The following PRKG1 variants were observed in gnomAD, a reference collection of about 807,000 sequenced individuals.
PRKG1 encodes cGMP-dependent protein kinase 1.
In PRKG1, 35 loss-of-function variants were observed where a neutral mutation model predicts 88.1. The observed-to-expected ratio is 0.40, with a 90% confidence interval of 0.30 to 0.53. The LOEUF (loss-of-function observed/expected upper bound fraction) is 0.53. Ranked by LOEUF, PRKG1 falls within the 20% of genes least tolerant of loss-of-function variation. The pLI is 0.59. For missense variants in PRKG1, 540 were observed against 839.8 expected, an observed-to-expected ratio of 0.64 and a Z score of 4.41; for synonymous variants, 303 against 292.5, an observed-to-expected ratio of 1.04 and a Z score of -0.37.
At chr10:51,523,213 T>A (rs1428306669) in intron 3 of PRKG1, among the ~76,000 whole-genome samples, 5 of 152,162 alleles carry the variant, frequency 3.3e-5, no homozygotes, top group Non-Finnish European at 7.3e-5. Flanking sequence ...AATTCTGCAG[T>A]CATTTTGTCA....
At chr10:52,166,798 C>CGTATATAT (rs1564498372) in intron 9 of PRKG1, among the ~76,000 whole-genome samples, 59 of 96,772 alleles carry the variant, frequency 6.1e-4, no homozygotes, top group Non-Finnish European at 8.9e-4. Flanking sequence ...TATATATATA[C>CGTATATAT]ATATATATAT....
chr10:51,207,090 C>G (rs1838081895), intron 2 of PRKG1, among the ~76,000 whole-genome samples: 1 of 151,974 alleles, frequency 6.6e-6, no homozygotes, highest in South Asian at 2.1e-4. Flanking sequence ...GTAAGTGAAA[C>G]AATTTCTGAT....
chr10:51,195,953 A>G (rs1405597355), intron 2 of PRKG1, among the ~76,000 whole-genome samples: 1 of 152,192 alleles, frequency 6.6e-6, no homozygotes, highest in African/African-American at 2.4e-5. Context: ...GTTGGGTAGA[A>G]CACATTTTCC....
chr10:51,081,411 C>A (rs1844107339), intron 1 of PRKG1, among the ~76,000 whole-genome samples: 1 of 152,190 alleles, frequency 6.6e-6, no homozygotes, highest in Admixed American at 6.5e-5. Context: ...TGAAGACTGC[C>A]ATAGAGAAGA....
At chr10:51,642,211 G>A (rs1839817299) in intron 3 of PRKG1, among the ~76,000 whole-genome samples, 1 of 152,040 alleles carries the variant, frequency 6.6e-6, no homozygotes, top group Non-Finnish European at 1.5e-5. Context: ...CCAACATGGT[G>A]AAACTCCTTC....
chr10:51,406,583 C>A (rs559740598), intron 2 of PRKG1, among the ~76,000 whole-genome samples: 55 of 149,336 alleles, frequency 3.7e-4, no homozygotes, highest in African/African-American at 1.3e-3. Flanking sequence ...ATTATGTTAA[C>A]TACTAGGCTT....
chr10:51,671,638 G>A (rs1402915770), intron 3 of PRKG1, among the ~76,000 whole-genome samples: 1 of 150,502 alleles, frequency 6.6e-6, no homozygotes, highest in Non-Finnish European at 1.5e-5. Context: ...CCAGGCTGGA[G>A]TGCAGTGGCA....
chr10:51,061,276 C>G (rs1485264416), intron 1 of PRKG1, among the ~76,000 whole-genome samples: 1 of 152,096 alleles, frequency 6.6e-6, no homozygotes, highest in Non-Finnish European at 1.5e-5. Flanking sequence ...GGGAACTCCT[C>G]TTTCTAAAAC....
chr10:51,659,399 C>T (rs969612771), intron 3 of PRKG1, among the ~76,000 whole-genome samples: 1 of 152,054 alleles, frequency 6.6e-6, no homozygotes. Flanking sequence ...TTTGTAGGCC[C>T]AGAGGAGCTG....
At chr10:52,100,900 A>G (rs1032394652) in intron 7 of PRKG1, among the ~76,000 whole-genome samples, 2 of 152,222 alleles carry the variant, frequency 1.3e-5, no homozygotes, top group Admixed American at 6.5e-5. Context: ...AATATTTTCA[A>G]TGCTGTTTTC....
chr10:51,215,827 A>G (rs1197607908), intron 2 of PRKG1, among the ~76,000 whole-genome samples: 1 of 152,164 alleles, frequency 6.6e-6, no homozygotes, highest in African/African-American at 2.4e-5. Flanking sequence ...ACATTCTAGT[A>G]GTTATAACAG....
At position 51,194,856 on chromosome 10, in the gene PRKG1, A is replaced by T. The variant is rs184416732; in HGVS notation, c.478+41526A>T. 5.9e-5 allele frequency among the ~76,000 whole-genome samples: 9 copies of T among 152,136 alleles called. No homozygotes were observed. The East Asian group carries it at 1.7e-3, about 29-fold the overall frequency. ...AAAGGATGGGAGAGAGAAAGCGGGA[A>T]CCAAAAGTTCTTGTATAAAGACCCC... On this transcript the variant is annotated intron_variant, in intron 2 of 17. Transcript: ENST00000373980.
intron 3 of PRKG1, among the ~76,000 whole-genome samples, chr10:51,724,631 C>G (rs937657321): frequency 5.3e-5 from 8 of 152,162 alleles, no homozygotes; most frequent in Non-Finnish European, 1.2e-4. Flanking sequence ...CTTAAGTGAT[C>G]CTCTTGCTGT....
intron 2 of PRKG1, among the ~76,000 whole-genome samples, chr10:51,441,761 A>C (rs1839113619): frequency 6.6e-6 from 1 of 151,946 alleles, no homozygotes; most frequent in Non-Finnish European, 1.5e-5. Flanking sequence ...TTGAGTGTCT[A>C]TTTCAACTCT....
At chr10:51,557,485 AGGGAGTTATGAGTAT>A (rs1837344192) in intron 3 of PRKG1, among the ~76,000 whole-genome samples, 1 of 151,902 alleles carries the variant, frequency 6.6e-6, no homozygotes, top group South Asian at 2.1e-4. Flanking sequence ...AGTGCTTATA[AGGGAGTTATGAGTAT>A]GGGCTTTATT....
At chr10:51,185,326 A>C (rs56822959) in intron 2 of PRKG1, among the ~76,000 whole-genome samples, 8,059 of 152,132 alleles carry the variant, frequency 0.053, 395 homozygotes, top group African/African-American at 0.13. Context: ...CAGTTTAGAC[A>C]AGATTTTTAT....
intron 8 of PRKG1, among the ~76,000 whole-genome samples, chr10:52,149,822 A>G (rs1460341676): frequency 1.3e-5 from 2 of 152,124 alleles, no homozygotes; most frequent in African/African-American, 4.8e-5. Context: ...TAGGAGAAAG[A>G]GGTGACCTAT....
rs745914140 is a variant in PRKG1 at position 51,612,361 on chromosome 10, G to A, written c.592+144525G>A. The stretch of plus-strand genomic sequence containing the variant: ...TAGAGATCTTTCACCTTGGTTAAAT[G>A]TATTCCTAGGTTTTTTTGTGTGTGT... On this transcript the variant is annotated intron_variant, in intron 3 of 17. Coordinates refer to ENST00000373980, the MANE Select transcript of PRKG1 (RefSeq NM_006258.4). 1.1e-4 allele frequency among the ~76,000 whole-genome samples: 17 copies of A among 151,792 alleles called. 1 individual carries two copies. The highest frequency in any genetic ancestry group is 1.6e-4 in the Non-Finnish European group (11 of 67,860).
intron 3 of PRKG1, among the ~76,000 whole-genome samples, chr10:51,634,035 C>T (rs535037679): frequency 2.0e-4 from 31 of 152,196 alleles, no homozygotes; most frequent in African/African-American, 6.5e-4. Context: ...TATAAAATTT[C>T]ATAGAATGCA....
Sources: allele counts gnomAD v4.1 joint callset (sites outside exome capture counted in the v4.1 genomes callset), GRCh38; gene constraint gnomAD v4.1.1; transcripts MANE v1.5; gene names NCBI Gene and HGNC (gene_info 2026-07-23, HGNC 2026-07-21).